ALK: variants seen among roughly 807,000 people sequenced by gnomAD.
The protein encoded by ALK is ALK receptor tyrosine kinase.
A neutral mutation model predicts 163.1 loss-of-function variants in ALK; 74 were observed. The ratio of observed to expected loss-of-function variants is 0.45; its 90% CI spans 0.38 to 0.55. The LOEUF (loss-of-function observed/expected upper bound fraction) is 0.55. Ranked by LOEUF, ALK falls within the 20% of genes least tolerant of loss-of-function variation. The pLI, the probability that ALK is intolerant of heterozygous loss-of-function variation, is 0.00. For synonymous variants in ALK, 960 were observed against 843.2 expected (o/e 1.14, Z -2.40); for missense variants, 2,063 against 2,105.3 (o/e 0.98, Z 0.39).
intron 1 of ALK, among the ~76,000 whole-genome samples, chr2:29,797,226 G>C (rs1664342634): frequency 6.6e-6 from 1 of 152,076 alleles, no homozygotes; most frequent in East Asian, 1.9e-4. Flanking sequence ...GTCCCATCCT[G>C]TATATTCTAA....
chr2:29,408,689 T>G (rs1033065869), intron 4 of ALK, among the ~76,000 whole-genome samples: 4 of 152,222 alleles, frequency 2.6e-5, no homozygotes, highest in African/African-American at 7.2e-5. Context: ...GATCAAACTA[T>G]TTTTTCTCTC....
At chr2:29,749,478 T>C (rs1448973754) in intron 1 of ALK, among the ~76,000 whole-genome samples, 1 of 152,060 alleles carries the variant, frequency 6.6e-6, no homozygotes, top group Non-Finnish European at 1.5e-5. Context: ...GAATAGATAA[T>C]AGTTTTAAAT....
At chr2:29,297,978 G>T (rs553063393) in intron 8 of ALK, among the ~76,000 whole-genome samples, 133 of 152,240 alleles carry the variant, frequency 8.7e-4, no homozygotes, top group African/African-American at 3.0e-3. Flanking sequence ...CAGAGTAAAG[G>T]TACCCCCTTT....
intron 1 of ALK, among the ~76,000 whole-genome samples, chr2:29,728,121 T>A (rs1044381658): frequency 1.3e-5 from 2 of 151,088 alleles, no homozygotes; most frequent in South Asian, 2.1e-4. Context: ...GGGATGTTTT[T>A]AAAAAAAAAA....
At chr2:29,464,957 A>C (rs1671173021) in intron 4 of ALK, among the ~76,000 whole-genome samples, 1 of 152,260 alleles carries the variant, frequency 6.6e-6, no homozygotes, top group Admixed American at 6.5e-5. Flanking sequence ...TATCAGTGAC[A>C]ATGTCAGTCG....
chr2:29,884,389 T>C (rs956884911), intron 1 of ALK, among the ~76,000 whole-genome samples: 4 of 152,110 alleles, frequency 2.6e-5, no homozygotes, highest in Admixed American at 2.6e-4. Context: ...ATGAATTGCT[T>C]GATATGTGCC....
chr2:29,202,273 T>A (rs1442175958), intron 26 of ALK, among the ~76,000 whole-genome samples: 2 of 152,204 alleles, frequency 1.3e-5, no homozygotes, highest in Admixed American at 6.5e-5. Flanking sequence ...GGTAAGGAGC[T>A]TCCCCCCGCC....
At chr2:29,589,023 C>T (rs1674971417) in intron 3 of ALK, among the ~76,000 whole-genome samples, 2 of 152,112 alleles carry the variant, frequency 1.3e-5, no homozygotes, top group African/African-American at 4.8e-5. Context: ...ACAACATTTA[C>T]ATTTATATAG....
At position 29,591,991 on chromosome 2, in the gene ALK, C is replaced by G. The variant is rs1234612294; in HGVS notation, c.953-59875G>C. Among the ~76,000 whole-genome samples, 3 of 152,102 alleles carry G rather than the reference C, an allele frequency of 2.0e-5. No individual in the cohort carries two copies. In the East Asian group the frequency reaches 5.8e-4, roughly 30 times the overall value. On this transcript the variant is annotated intron_variant, in intron 3 of 28. Coordinates refer to ENST00000389048, the MANE Select transcript of ALK (RefSeq NM_004304.5). ...CCAATCTTAAGATCACTCTCTATCTCAGGTACAAAGTCAAGGCTACCCACA... is the reference window on the plus strand; with the variant it reads ...CCAATCTTAAGATCACTCTCTATCTGAGGTACAAAGTCAAGGCTACCCACA...
chr2:29,856,240 C>A (rs781576166), intron 1 of ALK, among the ~76,000 whole-genome samples: 1 of 152,146 alleles, frequency 6.6e-6, no homozygotes, highest in Non-Finnish European at 1.5e-5. Flanking sequence ...CTTAACAGGG[C>A]CCTAGCTCTC....
chr2:29,245,469 C>T (rs1664642093), intron 12 of ALK, among the ~76,000 whole-genome samples: 2 of 148,050 alleles, frequency 1.4e-5, no homozygotes, highest in African/African-American at 5.0e-5. Flanking sequence ...CTCCATGGCT[C>T]AGTGCCCTGC....
intron 8 of ALK, among the ~76,000 whole-genome samples, chr2:29,314,228 G>T (rs891285064): frequency 3.9e-5 from 6 of 152,116 alleles, no homozygotes; most frequent in Non-Finnish European, 7.3e-5. Context: ...GATGGCCAAG[G>T]TCAACTCCAG....
chr2:29,298,696 GAGA>G (rs1289975221), intron 8 of ALK, among the ~76,000 whole-genome samples: 1 of 152,112 alleles, frequency 6.6e-6, no homozygotes, highest in Admixed American at 6.5e-5. Flanking sequence ...CTACTTTACT[GAGA>G]AGATCTACTA....
intron 1 of ALK, among the ~76,000 whole-genome samples, chr2:29,756,706 T>C (rs921214115): frequency 6.6e-5 from 10 of 152,144 alleles, no homozygotes; most frequent in African/African-American, 2.2e-4. Flanking sequence ...ATTGTATTTT[T>C]AGTAGAGACA....
At chr2:29,739,526 C>G (rs917867291) in intron 1 of ALK, among the ~76,000 whole-genome samples, 9 of 150,716 alleles carry the variant, frequency 6.0e-5, no homozygotes, top group Admixed American at 5.9e-4. Context: ...CCACTGCACT[C>G]CAGCCTGGGC....
intron 1 of ALK, among the ~76,000 whole-genome samples, chr2:29,887,770 CA>C (rs1043236125): frequency 1.3e-4 from 20 of 152,282 alleles, no homozygotes; most frequent in Admixed American, 5.9e-4. Flanking sequence ...TCCATTGCAC[CA>C]AAATTCTGTT....
chr2:29,532,162 G>T, intron 3 of ALK, 46 bp from the exon 4 acceptor site: 1 of 1,571,744 alleles, frequency 6.4e-7, no homozygotes, highest in South Asian at 1.1e-5. Flanking sequence ...GTTCAGGTAA[G>T]ACCAGCAGTA....
At chr2:29,910,436 A>T (rs747817158) in intron 1 of ALK, among the ~76,000 whole-genome samples, 14 of 152,194 alleles carry the variant, frequency 9.2e-5, no homozygotes, top group Admixed American at 4.6e-4. Flanking sequence ...AGGAGCAGAA[A>T]ACAATTTTTT....
At chr2:29,908,289 C>G (rs2148435769) in intron 1 of ALK, among the ~76,000 whole-genome samples, 1 of 151,768 alleles carries the variant, frequency 6.6e-6, no homozygotes, top group South Asian at 2.1e-4. Context: ...AGCACACACA[C>G]ACACACACAC....
Sources: allele counts gnomAD v4.1 joint callset (sites outside exome capture counted in the v4.1 genomes callset), GRCh38; gene constraint gnomAD v4.1.1; transcripts MANE v1.5; gene names NCBI Gene and HGNC (gene_info 2026-07-23, HGNC 2026-07-21).